Variants in AGBL4 observed in about 807,000 individuals in gnomAD.
AGBL4 encodes the protein cytosolic carboxypeptidase 6.
Under a neutral mutation model 66.4 loss-of-function variants are expected in AGBL4, and 58 were observed. That is an observed-to-expected ratio of 0.87 (90% CI 0.71 to 1.09). The LOEUF is 1.09. Ranked by LOEUF, AGBL4 falls within the 50% of genes least tolerant of loss-of-function variation. The pLI is 0.00. For synonymous variants in AGBL4, 234 were observed against 222.9 expected (o/e 1.05, Z -0.44); for missense variants, 579 against 631.0 (o/e 0.92, Z 0.88).
intron 6 of AGBL4, among the ~76,000 whole-genome samples, chr1:48,696,858 T>G (rs2148500350): frequency 6.6e-6 from 1 of 152,244 alleles, no homozygotes. Flanking sequence ...GCCCTTGAAA[T>G]ATCTTAGCCA....
chr1:49,752,757 T>C (rs1651575043), intron 2 of AGBL4, among the ~76,000 whole-genome samples: 2 of 152,250 alleles, frequency 1.3e-5, no homozygotes, highest in Admixed American at 1.3e-4. Flanking sequence ...CCTCCTCTAT[T>C]CTGTGCATAT....
At chr1:48,526,525 C>CAGG in the AGBL4 span, among the ~76,000 whole-genome samples, 9 of 152,014 alleles carry the variant, frequency 5.9e-5, no homozygotes, top group African/African-American at 1.7e-4. Context: ...GCTGCAGCGG[C>CAGG]AGGAGGAGGA....
chr1:48,991,960 C>A (rs1242667881), intron 5 of AGBL4, among the ~76,000 whole-genome samples: 1 of 152,088 alleles, frequency 6.6e-6, no homozygotes, highest in Non-Finnish European at 1.5e-5. Flanking sequence ...TTGTCACAAA[C>A]CTCTGTCTCT....
chr1:49,003,848 A>C (rs1431025806), intron 5 of AGBL4, among the ~76,000 whole-genome samples: 2 of 152,224 alleles, frequency 1.3e-5, no homozygotes, highest in Non-Finnish European at 2.9e-5. Flanking sequence ...AATCTTCTGC[A>C]CATGAATCCC....
At chr1:49,765,408 A>G (rs890195846) in intron 2 of AGBL4, among the ~76,000 whole-genome samples, 8 of 152,144 alleles carry the variant, frequency 5.3e-5, no homozygotes, top group African/African-American at 1.9e-4. Context: ...GGAGGAGGAA[A>G]AGAAAAAGAA....
At chr1:49,266,503 A>G (rs1182364254) in intron 3 of AGBL4, among the ~76,000 whole-genome samples, 1 of 152,106 alleles carries the variant, frequency 6.6e-6, no homozygotes, top group Non-Finnish European at 1.5e-5. Flanking sequence ...TAATTTTAAT[A>G]TTTATTAAAT....
intron 2 of AGBL4, among the ~76,000 whole-genome samples, chr1:49,799,722 T>C (rs903367612): frequency 1.3e-5 from 2 of 152,180 alleles, no homozygotes; most frequent in Non-Finnish European, 1.5e-5. Flanking sequence ...ACATACCATA[T>C]GACATTATAA....
At chr1:48,619,750 T>C (rs373972488) in intron 9 of AGBL4, among the ~76,000 whole-genome samples, 9 of 152,262 alleles carry the variant, frequency 5.9e-5, no homozygotes, top group South Asian at 4.2e-4. Context: ...TGCCAGGAGT[T>C]TAAAGCAAAG....
intron 6 of AGBL4, among the ~76,000 whole-genome samples, chr1:48,778,623 G>T (rs1645200630): frequency 6.6e-6 from 1 of 152,188 alleles, no homozygotes; most frequent in Non-Finnish European, 1.5e-5. Context: ...CTTCTTAGTA[G>T]TGGTAGATGA....
At chr1:49,823,256 A>C (rs1193539550) in intron 2 of AGBL4, among the ~76,000 whole-genome samples, 1 of 152,238 alleles carries the variant, frequency 6.6e-6, no homozygotes, top group African/African-American at 2.4e-5. Context: ...TTCTCTTAAC[A>C]AAATGCTCAA....
At chr1:48,620,297 G>T (rs1353654887) in intron 9 of AGBL4, among the ~76,000 whole-genome samples, 1 of 151,660 alleles carries the variant, frequency 6.6e-6, no homozygotes, top group East Asian at 1.9e-4. Flanking sequence ...AAGAGACAGG[G>T]TCTCACTCTG....
intron 3 of AGBL4, among the ~76,000 whole-genome samples, chr1:49,527,900 C>A (rs1256945806): frequency 6.6e-6 from 1 of 152,154 alleles, no homozygotes; most frequent in Non-Finnish European, 1.5e-5. Context: ...TTAGACTCCT[C>A]CACACCTGAT....
At chr1:49,327,034 A>C (rs1645241170) in intron 3 of AGBL4, among the ~76,000 whole-genome samples, 1 of 151,914 alleles carries the variant, frequency 6.6e-6, no homozygotes, top group Non-Finnish European at 1.5e-5. Context: ...AGCATCTTAA[A>C]ATTTCTCTCT....
rs540315979 is a variant in AGBL4 at position 49,007,880 on chromosome 1, C to T, written c.594+37704G>A. On this transcript the variant is annotated intron_variant, in intron 5 of 13. Transcript: ENST00000371839. ...CCTAAATGAGCTCCTGAAGGAAGCA[C>T]TAAACATGGAAAGGAACAACCAGTA... 2.0e-5 allele frequency among the ~76,000 whole-genome samples: 3 copies of T among 151,620 alleles called. No homozygotes were observed. The South Asian group carries it at 6.3e-4, about 32-fold the overall frequency.
chr1:49,996,082 C>G (rs974389712), intron 1 of AGBL4: 1 of 152,174 alleles, frequency 6.6e-6, no homozygotes, highest in Admixed American at 6.5e-5. Flanking sequence ...AGTCAAATAT[C>G]TTCCCCCTGA....
chr1:49,752,268 C>T (rs1651536152), intron 2 of AGBL4, among the ~76,000 whole-genome samples: 1 of 152,052 alleles, frequency 6.6e-6, no homozygotes, highest in Non-Finnish European at 1.5e-5. Context: ...GATTCTGGTA[C>T]ATTGTCTCTT....
At chr1:49,290,034 A>G (rs1391893169) in intron 3 of AGBL4, among the ~76,000 whole-genome samples, 1 of 152,230 alleles carries the variant, frequency 6.6e-6, no homozygotes, top group African/African-American at 2.4e-5. Context: ...TCCTAAAAAT[A>G]TAAAAAGATT....
At chr1:49,853,909 C>T (rs1432691934) in intron 1 of AGBL4, among the ~76,000 whole-genome samples, 1 of 151,886 alleles carries the variant, frequency 6.6e-6, no homozygotes, top group East Asian at 1.9e-4. Flanking sequence ...TATCAACAGT[C>T]CTGTGTTGTA....
At chr1:49,206,348 C>T (rs1648127651) in intron 4 of AGBL4, among the ~76,000 whole-genome samples, 1 of 152,046 alleles carries the variant, frequency 6.6e-6, no homozygotes, top group Non-Finnish European at 1.5e-5. Context: ...AAAATAAACC[C>T]TCTAACTACT....
Sources: allele counts gnomAD v4.1 joint callset (sites outside exome capture counted in the v4.1 genomes callset), GRCh38; gene constraint gnomAD v4.1.1; transcripts MANE v1.5; gene names NCBI Gene and HGNC (gene_info 2026-07-23, HGNC 2026-07-21).